The following KCNH5 variants were observed in gnomAD, a reference collection of about 807,000 sequenced individuals.
The protein encoded by KCNH5 is voltage-gated delayed rectifier potassium channel KCNH5.
KCNH5 carries 46 observed loss-of-function variants against 96.1 expected under a neutral mutation model. That is an observed-to-expected ratio of 0.48 (90% CI 0.38 to 0.61). The LOEUF (loss-of-function observed/expected upper bound fraction) is 0.61, where lower values mean the gene tolerates loss of function less well. Ranked by LOEUF, KCNH5 falls within the 20% of genes least tolerant of loss-of-function variation. The probability of loss-of-function intolerance (pLI) is 0.00; values close to 1 mark genes in which losing one functional copy is unlikely to be tolerated. For synonymous variants in KCNH5, 439 were observed against 449.8 expected, an observed-to-expected ratio of 0.98 and a Z score of 0.30; for missense variants, 907 against 1,225.8, an observed-to-expected ratio of 0.74 and a Z score of 3.88.
chr14:62,990,508 T>A (rs145375441), intron 4 of KCNH5, among the ~76,000 whole-genome samples: 1 of 152,026 alleles, frequency 6.6e-6, no homozygotes, highest in Non-Finnish European at 1.5e-5. Flanking sequence ...ATAAAACACA[T>A]GCATTTTTCT....
intron 5 of KCNH5, among the ~76,000 whole-genome samples, chr14:62,981,469 C>A (rs1481748190): frequency 1.3e-5 from 2 of 152,210 alleles, no homozygotes; most frequent in African/African-American, 4.8e-5. Context: ...GCTGTTCTAT[C>A]TGGCATGCTC....
chr14:62,861,710 A>G (rs1888038398), intron 7 of KCNH5, among the ~76,000 whole-genome samples: 1 of 151,658 alleles, frequency 6.6e-6, no homozygotes, highest in Non-Finnish European at 1.5e-5. Context: ...GATTGATAAT[A>G]GCATGAGATG....
chr14:62,859,728 G>A (rs1472860452), intron 7 of KCNH5, among the ~76,000 whole-genome samples: 2 of 152,310 alleles, frequency 1.3e-5, no homozygotes, highest in South Asian at 4.1e-4. Flanking sequence ...CCACTGGGAA[G>A]ACTTCCCTTC....
At chr14:62,905,105 T>C (rs1595678352) in intron 7 of KCNH5, among the ~76,000 whole-genome samples, 2 of 152,312 alleles carry the variant, frequency 1.3e-5, no homozygotes, top group African/African-American at 4.8e-5. Context: ...TCTGATGGCA[T>C]TATACCCTTA....
intron 1 of KCNH5, among the ~76,000 whole-genome samples, chr14:63,026,466 A>C (rs1362720224): frequency 2.1e-4 from 32 of 152,024 alleles, no homozygotes; most frequent in Admixed American, 1.8e-3. Context: ...CAAACATATA[A>C]GGGGTTAATA....
At chr14:62,728,817 A>C (rs933226794) in intron 10 of KCNH5, among the ~76,000 whole-genome samples, 1 of 152,160 alleles carries the variant, frequency 6.6e-6, no homozygotes. Context: ...AGTATTAGTT[A>C]TTAATATAGT....
At chr14:62,897,265 T>A (rs181007262) in intron 7 of KCNH5, among the ~76,000 whole-genome samples, 1 of 152,350 alleles carries the variant, frequency 6.6e-6, no homozygotes, top group Admixed American at 6.5e-5. Flanking sequence ...CTTATTAGCA[T>A]GACTTTTAGC....
At chr14:62,990,437 T>C (rs905132330) in intron 4 of KCNH5, among the ~76,000 whole-genome samples, 2 of 152,062 alleles carry the variant, frequency 1.3e-5, no homozygotes, top group Non-Finnish European at 2.9e-5. Flanking sequence ...GAATATTTCA[T>C]CTCTTTTCTT....
At chr14:63,019,909 G>A (rs2139610823) in intron 1 of KCNH5, among the ~76,000 whole-genome samples, 1 of 152,170 alleles carries the variant, frequency 6.6e-6, no homozygotes, top group East Asian at 1.9e-4. Flanking sequence ...CAGCCTGGGA[G>A]AAAATACTTT....
chr14:62,952,436 C>G (rs1269223198), intron 6 of KCNH5, among the ~76,000 whole-genome samples: 1 of 152,130 alleles, frequency 6.6e-6, no homozygotes, highest in Non-Finnish European at 1.5e-5. Flanking sequence ...TCCTATATGC[C>G]AAGTTCTGTT....
At chr14:62,939,284 C>A (rs1286549185) in intron 7 of KCNH5, among the ~76,000 whole-genome samples, 1 of 152,190 alleles carries the variant, frequency 6.6e-6, no homozygotes, top group Non-Finnish European at 1.5e-5. Flanking sequence ...CTCTTCTCAG[C>A]CCCTCTGTGG....
Position 62,827,993 on chromosome 14 carries a change from C to A in KCNH5, c.1569+21660G>T, listed in dbSNP as rs1271425997. On this transcript the variant is annotated intron_variant, in intron 8 of 10. Transcript: ENST00000322893. ...TTTTTGAATTGCTTCATTTACTCCT[C>A]TATATTTGTTCTTATGTCCCTTACA... 2.6e-5 allele frequency among the ~76,000 whole-genome samples: 4 copies of A among 152,094 alleles called. No homozygotes were observed. In the East Asian group the frequency reaches 7.7e-4, roughly 29 times the overall value.
chr14:62,798,066 G>A (rs1402896712), intron 9 of KCNH5, among the ~76,000 whole-genome samples: 5 of 152,000 alleles, frequency 3.3e-5, no homozygotes, highest in African/African-American at 4.8e-5. Flanking sequence ...ATCTTAATTC[G>A]AGTGCTAAAG....
intron 8 of KCNH5, among the ~76,000 whole-genome samples, chr14:62,803,908 T>C (rs1312623975): frequency 1.3e-5 from 2 of 152,182 alleles, no homozygotes; most frequent in Non-Finnish European, 2.9e-5. Context: ...GCTAAATTGA[T>C]TTACCCCATT....
At chr14:62,885,166 A>C (rs934258419) in intron 7 of KCNH5, among the ~76,000 whole-genome samples, 1 of 152,178 alleles carries the variant, frequency 6.6e-6, no homozygotes, top group Non-Finnish European at 1.5e-5. Flanking sequence ...CAATTTTTTT[A>C]AAAAACATAA....
At position 62,817,224 on chromosome 14, in the gene KCNH5, A is replaced by C. The variant is rs940914893; in HGVS notation, c.1570-14643T>G. Reference sequence around the variant, plus strand: ...ATATCATATATTATATATTATATATAATATAATACATATATTATAGTATAT... The same window carrying C: ...ATATCATATATTATATATTATATATCATATAATACATATATTATAGTATAT... On this transcript the variant is annotated intron_variant, in intron 8 of 10. Transcript: ENST00000322893. Among the ~76,000 whole-genome samples the C allele has an allele frequency of 2.9e-4, 40 of 138,416 alleles. 1 individual carries two copies. The highest frequency in any genetic ancestry group is 6.1e-4 in the African/African-American group (23 of 37,828). The allele number at this position is 138,416 out of a possible 152,430, so 90.8% of individuals were successfully genotyped here. A position where few individuals can be genotyped will look rare whatever the true frequency, so the allele number is the denominator to read the frequency against.
intron 10 of KCNH5, among the ~76,000 whole-genome samples, chr14:62,774,682 T>A (rs892877074): frequency 1.2e-4 from 18 of 152,212 alleles, no homozygotes; most frequent in African/African-American, 4.1e-4. Context: ...GGAAATAGCA[T>A]CTTGAATTGG....
At chr14:63,007,824 A>G (rs966837210) in intron 2 of KCNH5, among the ~76,000 whole-genome samples, 1 of 152,214 alleles carries the variant, frequency 6.6e-6, no homozygotes, top group Non-Finnish European at 1.5e-5. Flanking sequence ...CAGTGGTTAG[A>G]GGAACATACA....
intron 9 of KCNH5, among the ~76,000 whole-genome samples, chr14:62,788,322 G>C (rs1288829247): frequency 2.9e-4 from 44 of 152,156 alleles, no homozygotes; most frequent in Non-Finnish European, 5.9e-5. Flanking sequence ...TGAAAATGTG[G>C]ATGACTTGCT....
Sources: allele counts gnomAD v4.1 joint callset (sites outside exome capture counted in the v4.1 genomes callset), GRCh38; gene constraint gnomAD v4.1.1; transcripts MANE v1.5; gene names NCBI Gene and HGNC (gene_info 2026-07-23, HGNC 2026-07-21).